Variants in PRPF4 observed in about 807,000 individuals in gnomAD.
PRPF4 encodes the protein U4/U6 small nuclear ribonucleoprotein Prp4.
In PRPF4, 14 loss-of-function variants were observed where a neutral mutation model predicts 72.2. The ratio of observed to expected loss-of-function variants is 0.19; its 90% CI spans 0.13 to 0.30. The LOEUF is 0.30. Ranked by LOEUF, PRPF4 falls within the 10% of genes least tolerant of loss-of-function variation. The pLI is 1.00. For missense variants in PRPF4, 478 were observed against 653.9 expected, an observed-to-expected ratio of 0.73 and a Z score of 2.93; for synonymous variants, 225 against 232.2, an observed-to-expected ratio of 0.97 and a Z score of 0.28.
rs187531407 is a variant in PRPF4 at position 113,283,207 on chromosome 9, C to G, written c.556C>G (p.Pro186Ala). The G allele has an allele frequency of 5.6e-5, 91 of 1,614,006 alleles. No individual in the cohort carries two copies. Among genetic ancestry groups the G allele is most frequent in the Non-Finnish European group, 7.6e-5 (90 of 1,180,038 alleles). The change falls in exon 5 of 14, where the codon CCC becomes GCC. Residue 186 changes from proline to alanine, a missense_variant. By Grantham distance (27) the Pro-to-Ala change is conservative. Transcript: ENST00000374198. ...ACTATGGATTGCTAATTATTCGTTG[C>G]CCAGGTAAAGAGAGCCTCCAGTAGA... is the stretch of plus-strand genomic sequence containing the variant. ...ARLWIANYSL[P>A]RAMKRLEEAR...
chr9:113,284,269 G>C, intron 6 of PRPF4, 26 bp from the exon 7 acceptor site: 1 of 1,498,598 alleles, frequency 6.7e-7, no homozygotes, highest in Non-Finnish European at 9.3e-7. Context: ...AATGATCACC[G>C]TGTGTGTATT....
chr9:113,282,975 T>C (rs1424082360), intron 4 of PRPF4, 157 bp from the exon 5 acceptor site: 3 of 1,354,894 alleles, frequency 2.2e-6, no homozygotes, highest in African/African-American at 2.9e-5. Flanking sequence ...TAGTTACATA[T>C]CATAGAAAAA....
intron 7 of PRPF4, among the ~76,000 whole-genome samples, chr9:113,285,459 A>G (rs1350434770): frequency 7.5e-6 from 1 of 133,214 alleles, no homozygotes; most frequent in East Asian, 2.3e-4. Context: ...GCTCACTGCA[A>G]GCTCCACCTC....
chr9:113,288,001 G>T (rs1410342719), intron 9 of PRPF4, among the ~76,000 whole-genome samples, 174 bp from the exon 10 acceptor site: 1 of 152,166 alleles, frequency 6.6e-6, no homozygotes, highest in African/African-American at 2.4e-5. Flanking sequence ...TAGAATCCAG[G>T]TACTCCTTTG....
At position 113,275,658 on chromosome 9, in the gene PRPF4, G is replaced by T; in HGVS notation, c.-86G>T. 6.8e-7 allele frequency: 1 copy of T among 1,479,926 alleles called. No individual in the cohort carries two copies. Among genetic ancestry groups the T allele is most frequent in the Non-Finnish European group, 9.2e-7 (1 of 1,086,414 alleles). The allele number at this position is 1,479,926 out of a possible 1,614,324, so 91.7% of individuals were successfully genotyped here. A position where few individuals can be genotyped will look rare whatever the true frequency, so the allele number is the denominator to read the frequency against. ...CAGTGACGCACTTCCTGTCAGTGAC[G>T]CACTTCCCCTCTGCTGGGCGCGCGG... On this transcript the variant is annotated 5_prime_UTR_variant, in exon 1 of 14. Transcript: ENST00000374198.
At chr9:113,283,021 A>G (rs1212389651) in intron 4 of PRPF4, 111 bp from the exon 5 acceptor site, 20 of 1,550,178 alleles carry the variant, frequency 1.3e-5, no homozygotes, top group African/African-American at 4.1e-5. Context: ...ATTTCATCCT[A>G]TTACCGAATG....
At chr9:113,276,437 A>G (rs1284319111) in intron 1 of PRPF4, 111 bp from the exon 2 acceptor site, 6 of 1,224,580 alleles carry the variant, frequency 4.9e-6, no homozygotes, top group Non-Finnish European at 7.1e-6. Flanking sequence ...TTGTCCTTTC[A>G]ATTACAGAGG....
At chr9:113,276,843 T>G in intron 2 of PRPF4, 118 bp downstream of exon 2, 2 of 1,165,320 alleles carry the variant, frequency 1.7e-6, no homozygotes, top group South Asian at 3.0e-5. Flanking sequence ...TTAAACAGAG[T>G]CTCGCTCTGT....
At chr9:113,278,351 C>T (rs972251494) in intron 2 of PRPF4, among the ~76,000 whole-genome samples, 10 of 152,226 alleles carry the variant, frequency 6.6e-5, no homozygotes, top group African/African-American at 2.4e-4. Context: ...TAAACACATG[C>T]ACTGTAGCCT....
At chr9:113,279,164 AT>A (rs1832196985) in intron 3 of PRPF4, 33 bp downstream of exon 3, 6 of 1,575,048 alleles carry the variant, frequency 3.8e-6, no homozygotes, top group Non-Finnish European at 5.2e-6. Context: ...TTTTTTCTTT[AT>A]TATAATCACA....
rs2118651890 is a variant in PRPF4, at chr9:113,291,449, C to T, written c.1373-18C>T. On this transcript the variant is annotated intron_variant, in intron 13 of 13. Coordinates refer to ENST00000374198, the MANE Select transcript of PRPF4 (RefSeq NM_001244926.2). ...ATACTTGAATTCCTCAAGCAATTCCCCTTCTCTTCTCCTGTAGCTATCCAT... is the reference window on the plus strand; with the variant it reads ...ATACTTGAATTCCTCAAGCAATTCCTCTTCTCTTCTCCTGTAGCTATCCAT... 1 of 1,593,788 alleles carries T rather than the reference C, an allele frequency of 6.3e-7. No individual in the cohort carries two copies. Among genetic ancestry groups the T allele is most frequent in the Non-Finnish European group, 8.6e-7 (1 of 1,164,686 alleles).
chr9:113,291,004 G>A lies in PRPF4; in HGVS notation c.1360G>A (p.Val454Ile), dbSNP rs779671641. 1 of 1,613,596 alleles carries A rather than the reference G, an allele frequency of 6.2e-7. No homozygotes were observed. Among genetic ancestry groups the A allele is most frequent in the South Asian group, 1.1e-5 (1 of 91,070 alleles). ...IPAHQNLVTG[V>I]KFEPIHGNFL... ...TGCTCATCAGAACTTAGTGACTGGT[G>A]TCAAGTTTGAGCGTAAGCTTTCCTC... The change falls in exon 13 of 14, where the codon GTC becomes ATC. Residue 454 changes from valine to isoleucine, a missense_variant. Val to Ile is a conservative substitution (Grantham distance 29, BLOSUM62 3). Coordinates refer to ENST00000374198, the MANE Select transcript of PRPF4 (RefSeq NM_001244926.2).
chr9:113,283,258 G>A (rs1324336452), intron 5 of PRPF4, 47 bp downstream of exon 5: 2 of 1,613,822 alleles, frequency 1.2e-6, no homozygotes, highest in Non-Finnish European at 1.7e-6. Context: ...TTTTGTGTGT[G>A]TTTCCTCTCA....
At chr9:113,276,464 C>T in intron 1 of PRPF4, 84 bp from the exon 2 acceptor site, 1 of 1,466,558 alleles carries the variant, frequency 6.8e-7, no homozygotes, top group Admixed American at 1.7e-5. Context: ...GACTGTGAAA[C>T]TCAGGGTGAG....
In PRPF4 at chr9:113,290,971, A is replaced by G. The variant is rs1270160143; in HGVS notation, c.1327A>G (p.Thr443Ala). Residue 443 changes from threonine (T) to alanine (A), a missense_variant, in exon 13 of 14, where the codon ACC (threonine) becomes GCC (alanine). Physicochemically the swap from Thr to Ala is moderately conservative, Grantham distance 58. Transcript: ENST00000374198. ...CCTCCGACAGCGGCGTTGCGTCTACACCATCCCTGCTCATCAGAACTTAGT... is the reference window on the plus strand; with the variant it reads ...CCTCCGACAGCGGCGTTGCGTCTACGCCATCCCTGCTCATCAGAACTTAGT... ...WDLRQRRCVY[T>A]IPAHQNLVTG... The G allele has an allele frequency of 6.2e-7, 1 of 1,614,206 alleles. No individual in the cohort carries two copies. The highest frequency in any genetic ancestry group is 8.5e-7 in the Non-Finnish European group (1 of 1,180,032).
At chr9:113,277,956 GAAC>G (rs1190141586) in intron 2 of PRPF4, among the ~76,000 whole-genome samples, 2 of 151,966 alleles carry the variant, frequency 1.3e-5, no homozygotes, top group Non-Finnish European at 2.9e-5. Context: ...ACTCCAGCCT[GAAC>G]AACAGAGCGA....
At chr9:113,285,528 G>A (rs1253861252) in intron 7 of PRPF4, among the ~76,000 whole-genome samples, 4 of 149,504 alleles carry the variant, frequency 2.7e-5, no homozygotes, top group East Asian at 4.1e-4. Context: ...ACAGGCACCC[G>A]CCACCGCACC....
chr9:113,291,463 G>A lies in PRPF4; in HGVS notation c.1373-4G>A. Reference sequence around the variant, plus strand: ...CAAGCAATTCCCCTTCTCTTCTCCTGTAGCTATCCATGGGAACTTCTTGCT... The same window carrying A: ...CAAGCAATTCCCCTTCTCTTCTCCTATAGCTATCCATGGGAACTTCTTGCT... On this transcript the variant is annotated splice_polypyrimidine_tract_variant and splice_region_variant and intron_variant, in intron 13 of 13. Coordinates refer to ENST00000374198, the MANE Select transcript of PRPF4 (RefSeq NM_001244926.2). 6.2e-7 allele frequency: 1 copy of A among 1,609,594 alleles called. No individual in the cohort carries two copies. The highest frequency in any genetic ancestry group is 8.5e-7 in the Non-Finnish European group (1 of 1,176,274).
intron 9 of PRPF4, 64 bp downstream of exon 9, chr9:113,286,892 C>T (rs1449875204): frequency 6.2e-7 from 1 of 1,608,708 alleles, no homozygotes; most frequent in Non-Finnish European, 8.5e-7. Flanking sequence ...TTGGTTGGTC[C>T]CCAGGACCTC....
Sources: allele counts gnomAD v4.1 joint callset (sites outside exome capture counted in the v4.1 genomes callset), GRCh38; gene constraint gnomAD v4.1.1; transcripts MANE v1.5; gene names NCBI Gene and HGNC (gene_info 2026-07-23, HGNC 2026-07-21).